The following TMCC3 variants were observed in gnomAD, a reference collection of about 807,000 sequenced individuals.
TMCC3 encodes the protein transmembrane and coiled-coil domain family 3, also known as transmembrane and coiled-coil domain protein 3.
In TMCC3, 28 loss-of-function variants were observed where a neutral mutation model predicts 40.2. The observed-to-expected ratio is 0.70, with a 90% CI of 0.52 to 0.95. The LOEUF (loss-of-function observed/expected upper bound fraction) is 0.95. Ranked by LOEUF, TMCC3 falls within the 40% of genes least tolerant of loss-of-function variation. The probability of loss-of-function intolerance (pLI) is 0.00; values close to 1 mark genes in which losing one functional copy is unlikely to be tolerated. For missense variants in TMCC3, 554 were observed against 615.2 expected (o/e 0.90, Z 1.05); for synonymous variants, 255 against 248.5 (o/e 1.03, Z -0.25).
chr12:94,610,902 G>C (rs1353743531), intron 1 of TMCC3, among the ~76,000 whole-genome samples: 1 of 152,080 alleles, frequency 6.6e-6, no homozygotes, highest in African/African-American at 2.4e-5. Context: ...CTGGGGAATA[G>C]GACTGGGAAT....
chr12:94,614,598 C>T (rs571265985), intron 1 of TMCC3, among the ~76,000 whole-genome samples: 17 of 152,254 alleles, frequency 1.1e-4, no homozygotes, highest in African/African-American at 3.9e-4. Flanking sequence ...TTACAAGCAG[C>T]ACTCTTGCAG....
At chr12:94,641,675 T>C (rs2068991674) in intron 1 of TMCC3, among the ~76,000 whole-genome samples, 1 of 152,120 alleles carries the variant, frequency 6.6e-6, no homozygotes, top group Non-Finnish European at 1.5e-5. Context: ...TTGAAAACAC[T>C]CGGTGCTAGA....
At position 94,627,349 on chromosome 12, in the gene TMCC3, C is replaced by T. The variant is rs111830943; in HGVS notation, c.78+23004G>A. ...TTTACCACAGCCTGCATTTAGAAGA[C>T]CTGACCGCTTCTCATCACCTCCACT... On this transcript the variant is annotated intron_variant, in intron 1 of 3. Coordinates refer to ENST00000261226, the MANE Select transcript of TMCC3 (RefSeq NM_020698.4). 9.8e-5 allele frequency among the ~76,000 whole-genome samples: 15 copies of T among 152,306 alleles called. 1 individual carries two copies. Among genetic ancestry groups the T allele is most frequent in the African/African-American group, 3.6e-4 (15 of 41,576 alleles).
chr12:94,602,736 C>T (rs2068760085), intron 1 of TMCC3, among the ~76,000 whole-genome samples: 1 of 152,182 alleles, frequency 6.6e-6, no homozygotes, highest in Admixed American at 6.5e-5. Context: ...TACAGGAGTG[C>T]ACCATCATGC....
Position 94,614,815 on chromosome 12 carries a change from G to A in TMCC3, c.79-32277C>T, listed in dbSNP as rs371288888. On this transcript the variant is annotated intron_variant, in intron 1 of 3. Transcript: ENST00000261226. ...GAGTCTCACTCTGTCACCCAGGCTC[G>A]TGTGCAGTGGCGCGATCTCAGCTCA... Among the ~76,000 whole-genome samples the A allele has an allele frequency of 1.9e-4, 28 of 144,624 alleles. No individual in the cohort carries two copies. In the East Asian group the frequency reaches 3.6e-3, roughly 19 times the overall value. The allele number at this position is 144,624 out of a possible 152,430, so 94.9% of individuals were successfully genotyped here.
chr12:94,582,439 C>A lies in TMCC3; in HGVS notation c.178G>T (p.Asp60Tyr), dbSNP rs765186994. Residue 60 changes from aspartate (D) to tyrosine (Y), a missense_variant, in exon 2 of 4, where the codon GAC (aspartate) becomes TAC (tyrosine). Transcript: ENST00000261226. The stretch of plus-strand genomic sequence containing the variant: ...GCAGTGAGTTTGACCTTGTGGAAGT[C>A]CAGGATGCCATCCGGGACATCAAAG... ...LNFDVPDGIL[D>Y]FHKVKLTADS... The A allele has an allele frequency of 4.3e-6, 7 of 1,613,806 alleles. No homozygotes were observed. Among genetic ancestry groups the A allele is most frequent in the Non-Finnish European group, 5.9e-6 (7 of 1,180,010 alleles).
rs957821703 is a variant in TMCC3, at chr12:94,575,675, C to G, written c.1131+2719G>C. Among the ~76,000 whole-genome samples the G allele has an allele frequency of 5.9e-5, 9 of 152,306 alleles. 1 individual carries two copies. The highest frequency in any genetic ancestry group is 2.2e-4 in the African/African-American group (9 of 41,574). ...ATATGTTTGTTAAAACACAGAAGAA[C>G]AATATTAACCCAAACTATCCCCTAA... is the stretch of plus-strand genomic sequence containing the variant. On this transcript the variant is annotated intron_variant, in intron 3 of 3. Coordinates refer to ENST00000261226, the MANE Select transcript of TMCC3 (RefSeq NM_020698.4).
intron 1 of TMCC3, among the ~76,000 whole-genome samples, chr12:94,646,748 TTTTTTA>T (rs149975901): frequency 0.17 from 24,998 of 150,300 alleles, 2,674 homozygotes; most frequent in Non-Finnish European, 0.24. Flanking sequence ...TTTTTTTTTT[TTTTTTA>T]AAAAACAAAT....
chr12:94,642,847 G>C (rs12317571), intron 1 of TMCC3, among the ~76,000 whole-genome samples: 27,988 of 152,176 alleles, frequency 0.18, 2,723 homozygotes, highest in African/African-American at 0.22. Flanking sequence ...GAAGTACTGT[G>C]ACAACCCTTG....
At chr12:94,639,841 A>G (rs1464989229) in intron 1 of TMCC3, among the ~76,000 whole-genome samples, 1 of 151,986 alleles carries the variant, frequency 6.6e-6, no homozygotes, top group Non-Finnish European at 1.5e-5. Context: ...TGAAATTTGG[A>G]TCTGGGTTCC....
chr12:94,587,000 G>A (rs2138832119), intron 1 of TMCC3, among the ~76,000 whole-genome samples: 1 of 152,300 alleles, frequency 6.6e-6, no homozygotes. Flanking sequence ...CACTGCATGG[G>A]ATAATTGAGA....
At chr12:94,645,387 C>T (rs2069012792) in intron 1 of TMCC3, among the ~76,000 whole-genome samples, 1 of 152,134 alleles carries the variant, frequency 6.6e-6, no homozygotes. Context: ...GTCCCCTATT[C>T]AAAATGCTTG....
intron 1 of TMCC3, among the ~76,000 whole-genome samples, chr12:94,589,699 C>G (rs2068660551): frequency 1.3e-5 from 2 of 152,192 alleles, no homozygotes; most frequent in South Asian, 4.1e-4. Context: ...TGCCTACCTG[C>G]CTAAAAATGA....
intron 2 of TMCC3, 26 bp downstream of exon 2, chr12:94,581,596 C>T (rs1446393853): frequency 7.7e-7 from 1 of 1,301,328 alleles, no homozygotes; most frequent in African/African-American, 1.5e-5. Flanking sequence ...AAATAAAAAA[C>T]ACGCCAATGG....
rs531192541 is a variant in TMCC3, at chr12:94,591,876, G to C, written c.79-9338C>G. On this transcript the variant is annotated intron_variant, in intron 1 of 3. Coordinates refer to ENST00000261226, the MANE Select transcript of TMCC3 (RefSeq NM_020698.4). ...TGTCTAGCCAGAGTCAGTGAACAGG[G>C]AAGCTAACTGAACCACCGGATCCCA... Among the ~76,000 whole-genome samples, 4 of 152,306 alleles carry C rather than the reference G, an allele frequency of 2.6e-5. No homozygotes were observed. The South Asian group carries it at 8.3e-4, about 32-fold the overall frequency.
chr12:94,621,004 T>C (rs148944327), intron 1 of TMCC3, among the ~76,000 whole-genome samples: 2 of 152,344 alleles, frequency 1.3e-5, no homozygotes, highest in Non-Finnish European at 2.9e-5. Context: ...CCTTCAGGTC[T>C]TAAGCAAGAT....
chr12:94,623,549 G>A (rs1224994890), intron 1 of TMCC3, among the ~76,000 whole-genome samples: 2 of 152,242 alleles, frequency 1.3e-5, no homozygotes, highest in African/African-American at 4.8e-5. Flanking sequence ...TTCTTCAGGA[G>A]CGAATTCACA....
chr12:94,606,313 C>T (rs996711951), intron 1 of TMCC3, among the ~76,000 whole-genome samples: 20 of 151,890 alleles, frequency 1.3e-4, no homozygotes, highest in South Asian at 2.1e-4. Context: ...GCCAAGTTCC[C>T]TAAGAACCAT....
intron 2 of TMCC3, among the ~76,000 whole-genome samples, chr12:94,580,176 A>G (rs1378676911): frequency 1.3e-5 from 2 of 152,214 alleles, no homozygotes; most frequent in Non-Finnish European, 2.9e-5. Context: ...TTAGAAGTTA[A>G]TGTATTATTA....
Sources: gnomAD v4.1 joint callset for allele counts (sites outside exome capture counted in the v4.1 genomes callset) on GRCh38, gnomAD v4.1.1 for gene constraint, MANE v1.5 for transcripts, NCBI Gene and HGNC (gene_info 2026-07-23, HGNC 2026-07-21) for gene names.